The following CBLB variants were observed in gnomAD, a reference collection of about 807,000 sequenced individuals.
The protein encoded by CBLB is E3 ubiquitin-protein ligase CBL-B.
CBLB carries 31 observed loss-of-function variants against 104.9 expected under a neutral mutation model. The ratio of observed to expected loss-of-function variants is 0.30; its 90% CI spans 0.22 to 0.40. CBLB has a LOEUF of 0.40. Among genes scored for constraint, CBLB ranks in the 10% least tolerant of loss-of-function variants. The probability of loss-of-function intolerance (pLI) is 1.00; values close to 1 mark genes in which losing one functional copy is unlikely to be tolerated. For missense variants in CBLB, 1,062 were observed against 1,214.6 expected (o/e 0.87, Z 1.87); for synonymous variants, 440 against 422.6 (o/e 1.04, Z -0.51).
At chr3:105,724,007 A>C (rs2073254792) in intron 9 of CBLB, 1 of 161,888 alleles carries the variant, frequency 6.2e-6, no homozygotes, top group Admixed American at 6.5e-5. Context: ...CTTTATCAAT[A>C]ACTTCTAATT....
intron 3 of CBLB, among the ~76,000 whole-genome samples, chr3:105,832,259 T>C (rs139598236): frequency 6.6e-6 from 1 of 152,258 alleles, no homozygotes; most frequent in East Asian, 1.9e-4. Flanking sequence ...TAATGTCCAC[T>C]AAGAAGAAAA....
chr3:105,771,229 T>G (rs978061022), intron 4 of CBLB, among the ~76,000 whole-genome samples: 2 of 152,108 alleles, frequency 1.3e-5, no homozygotes, highest in African/African-American at 2.4e-5. Flanking sequence ...ACAAGGACAG[T>G]TTAACATATG....
chr3:105,823,627 T>C (rs991808966), intron 3 of CBLB, among the ~76,000 whole-genome samples: 5 of 152,182 alleles, frequency 3.3e-5, no homozygotes, highest in African/African-American at 9.6e-5. Context: ...AAACAACTTA[T>C]TGCTTTGCTG....
At chr3:105,663,451 C>T (rs1471933249) in intron 18 of CBLB, among the ~76,000 whole-genome samples, 3 of 152,106 alleles carry the variant, frequency 2.0e-5, no homozygotes, top group Non-Finnish European at 1.5e-5. Flanking sequence ...TAACAGGCTT[C>T]AGATGTGCCT....
chr3:105,802,657 G>A (rs1375506334), intron 3 of CBLB, among the ~76,000 whole-genome samples: 1 of 152,168 alleles, frequency 6.6e-6, no homozygotes, highest in Admixed American at 6.5e-5. Flanking sequence ...GAGAAGCTTA[G>A]AAGAGGAAGA....
intron 3 of CBLB, among the ~76,000 whole-genome samples, chr3:105,788,915 A>C (rs2081324759): frequency 6.6e-6 from 1 of 152,200 alleles, no homozygotes; most frequent in African/African-American, 2.4e-5. Flanking sequence ...GTTCTGAGGA[A>C]GTCCAAGAAA....
chr3:105,780,653 G>GTTTTTTTTTTTTTTGTTTTTT (rs1245925965), intron 3 of CBLB, among the ~76,000 whole-genome samples: 1 of 84,686 alleles, frequency 1.2e-5, no homozygotes, highest in Non-Finnish European at 2.6e-5. Context: ...TAAAAGTTTT[G>GTTTTTTTTTTTTTTGTTTTTT]TTTTTTGTTT....
In CBLB at chr3:105,720,152, C is replaced by A. The variant is rs372784321; in HGVS notation, c.1302G>T (p.Arg434Ser). 12 of 1,613,852 alleles carry A rather than the reference C, an allele frequency of 7.4e-6. No homozygotes were observed. The highest frequency in any genetic ancestry group is 1.0e-5 in the Non-Finnish European group (12 of 1,179,852). Residue 434 changes from arginine to serine, a missense_variant, in exon 10 of 19, where the codon AGG becomes AGT. Physicochemically the swap from Arg to Ser is moderately radical, Grantham distance 110. Transcript: ENST00000394030. ...DPFDPRDEGS[R>S]CCSIIDPFGM... ...CAAAGGGGTCAATGATGCTGCAACA[C>A]CTGGAGCCTTCATCTCTTGGATCAA...
intron 15 of CBLB, 45 bp downstream of exon 15, chr3:105,681,679 A>G (rs1253700295): frequency 6.2e-7 from 1 of 1,603,116 alleles, no homozygotes; most frequent in Admixed American, 1.7e-5. Flanking sequence ...TTAAATTCTG[A>G]CCATTAAGAT....
At chr3:105,761,726 G>C (rs1013805164) in intron 4 of CBLB, among the ~76,000 whole-genome samples, 1 of 152,136 alleles carries the variant, frequency 6.6e-6, no homozygotes, top group Non-Finnish European at 1.5e-5. Flanking sequence ...GTAAATTGGT[G>C]CCAGTAGAGT....
intron 9 of CBLB, among the ~76,000 whole-genome samples, chr3:105,725,077 T>C (rs1047069979): frequency 6.6e-6 from 1 of 152,116 alleles, no homozygotes; most frequent in African/African-American, 2.4e-5. Flanking sequence ...CATTCATAAA[T>C]GTAAAAAATT....
intron 4 of CBLB, among the ~76,000 whole-genome samples, chr3:105,754,464 C>T (rs1410071753): frequency 7.7e-6 from 1 of 130,060 alleles, no homozygotes; most frequent in African/African-American, 2.9e-5. Context: ...TTTCAGGGTG[C>T]TGGCAGAGAC....
chr3:105,806,134 C>T (rs1028961763), intron 3 of CBLB, among the ~76,000 whole-genome samples: 3 of 151,964 alleles, frequency 2.0e-5, no homozygotes, highest in Non-Finnish European at 4.4e-5. Context: ...ATTTTTAATT[C>T]TCACTTTAAA....
intron 9 of CBLB, among the ~76,000 whole-genome samples, chr3:105,732,032 G>A (rs2074372674): frequency 6.6e-6 from 1 of 152,186 alleles, no homozygotes; most frequent in East Asian, 1.9e-4. Context: ...AGAAATGCAA[G>A]GCTTTTAGTT....
At chr3:105,743,116 T>C (rs1473688156) in intron 6 of CBLB, among the ~76,000 whole-genome samples, 2 of 152,140 alleles carry the variant, frequency 1.3e-5, no homozygotes, top group Non-Finnish European at 2.9e-5. Flanking sequence ...TCAAGTGAAT[T>C]TTTGGCTTAT....
chr3:105,786,944 A>G (rs1342813731), intron 3 of CBLB, among the ~76,000 whole-genome samples: 1 of 152,216 alleles, frequency 6.6e-6, no homozygotes, highest in Non-Finnish European at 1.5e-5. Flanking sequence ...GATATATGAT[A>G]TGTCTTAATA....
intron 9 of CBLB, among the ~76,000 whole-genome samples, chr3:105,729,638 A>T (rs2074087378): frequency 6.6e-6 from 1 of 152,066 alleles, no homozygotes; most frequent in South Asian, 2.1e-4. Context: ...CTTAGATACC[A>T]CTTTTGGCAA....
Position 105,741,024 on chromosome 3 carries a change from A to C in CBLB, c.846-393T>G, listed in dbSNP as rs184408835. Among the ~76,000 whole-genome samples the C allele has an allele frequency of 2.0e-3, 298 of 152,088 alleles. 2 individuals carry two copies. The highest frequency in any genetic ancestry group is 7.0e-3 in the African/African-American group (289 of 41,506). On this transcript the variant is annotated intron_variant, in intron 6 of 18. Transcript: ENST00000394030. ...AATTTAAATTTAATTTGCCTACCTC[A>C]GACAAAAACTGAGCCAGTTTCTACT...
At chr3:105,804,452 T>C (rs1305737751) in intron 3 of CBLB, among the ~76,000 whole-genome samples, 1 of 150,484 alleles carries the variant, frequency 6.6e-6, no homozygotes, top group East Asian at 2.0e-4. Context: ...ACCTGGGAGG[T>C]GGAGGTTGCA....
Sources: gnomAD v4.1 joint callset for allele counts (sites outside exome capture counted in the v4.1 genomes callset) on GRCh38, gnomAD v4.1.1 for gene constraint, MANE v1.5 for transcripts, NCBI Gene and HGNC (gene_info 2026-07-23, HGNC 2026-07-21) for gene names.